Variants in PAX5 observed in about 807,000 individuals in gnomAD.
PAX5 encodes the protein paired box 5.
PAX5 carries 9 observed loss-of-function variants against 43.7 expected under a neutral mutation model. That is an observed-to-expected ratio of 0.21 (90% CI 0.12 to 0.36). PAX5 has a LOEUF of 0.36. Among genes scored for constraint, PAX5 ranks in the 10% least tolerant of loss-of-function variants. The probability of loss-of-function intolerance (pLI) is 1.00; values close to 1 mark genes in which losing one functional copy is unlikely to be tolerated. For synonymous variants in PAX5, 228 were observed against 214.3 expected (o/e 1.06, Z -0.56); for missense variants, 383 against 532.7 (o/e 0.72, Z 2.77).
intron 5 of PAX5, among the ~76,000 whole-genome samples, chr9:36,982,666 T>C (rs887722121): frequency 1.3e-5 from 2 of 152,172 alleles, no homozygotes; most frequent in Non-Finnish European, 2.9e-5. Flanking sequence ...CAGACAAGGA[T>C]AAGATGTGGG....
intron 7 of PAX5, among the ~76,000 whole-genome samples, chr9:36,904,109 T>C (rs903908860): frequency 1.3e-5 from 2 of 152,234 alleles, no homozygotes; most frequent in African/African-American, 4.8e-5. Context: ...AGGGTTGTTA[T>C]GCAGATTAGA....
intron 7 of PAX5, among the ~76,000 whole-genome samples, chr9:36,885,749 G>T (rs3824339): frequency 2.6e-5 from 4 of 152,044 alleles, no homozygotes; most frequent in Admixed American, 2.0e-4. Flanking sequence ...TGTGAGAAGC[G>T]CATGGCACAG....
chr9:36,910,447 T>A (rs1043804747), intron 7 of PAX5, among the ~76,000 whole-genome samples: 2 of 152,212 alleles, frequency 1.3e-5, no homozygotes, highest in Non-Finnish European at 2.9e-5. Context: ...TATAACAAGG[T>A]CTCCACGGAT....
Position 36,834,315 on chromosome 9 carries a change from C to T in PAX5, c.*6245G>A. 1 of 233,334 alleles carries T rather than the reference C, an allele frequency of 4.3e-6. No individual in the cohort carries two copies. The highest frequency in any genetic ancestry group is 8.5e-6 in the Non-Finnish European group (1 of 118,102). The allele number at this position is 233,334 out of a possible 1,614,324, so 14.5% of individuals were successfully genotyped here. ...GACAGGCTGCTGCCGGGTCTGCTCACCTTCTCTGACCCAAGTCGAAGACAG... is the reference window on the plus strand; with the variant it reads ...GACAGGCTGCTGCCGGGTCTGCTCATCTTCTCTGACCCAAGTCGAAGACAG... On this transcript the variant is annotated 3_prime_UTR_variant, in exon 10 of 10. Coordinates refer to ENST00000358127, the MANE Select transcript of PAX5 (RefSeq NM_016734.3).
intron 5 of PAX5, among the ~76,000 whole-genome samples, chr9:36,973,388 G>T (rs1835142131): frequency 6.6e-6 from 1 of 152,150 alleles, no homozygotes; most frequent in East Asian, 1.9e-4. Context: ...ATCTGCCACA[G>T]GAGTACAGAG....
At chr9:37,022,489 C>T (rs1433334909) in intron 1 of PAX5, among the ~76,000 whole-genome samples, 2 of 152,166 alleles carry the variant, frequency 1.3e-5, no homozygotes, top group Non-Finnish European at 2.9e-5. Flanking sequence ...TTGGTATAAG[C>T]TCATCTGGGA....
At chr9:36,968,369 C>T (rs1349858012) in intron 5 of PAX5, among the ~76,000 whole-genome samples, 1 of 152,138 alleles carries the variant, frequency 6.6e-6, no homozygotes, top group Non-Finnish European at 1.5e-5. Context: ...GTCAATGCTT[C>T]CTCAACTGTA....
intron 5 of PAX5, among the ~76,000 whole-genome samples, chr9:36,969,253 C>T (rs1054347534): frequency 2.0e-5 from 3 of 152,234 alleles, no homozygotes; most frequent in East Asian, 1.9e-4. Flanking sequence ...CCAGCTCCTC[C>T]GGCCCACCCA....
chr9:36,868,353 G>T (rs1825100283), intron 8 of PAX5, among the ~76,000 whole-genome samples: 2 of 152,228 alleles, frequency 1.3e-5, no homozygotes, highest in African/African-American at 4.8e-5. Flanking sequence ...GCCAGGATCT[G>T]AGAGGAATTC....
intron 5 of PAX5, among the ~76,000 whole-genome samples, chr9:36,976,858 G>A (rs914309191): frequency 3.9e-5 from 6 of 152,184 alleles, no homozygotes; most frequent in African/African-American, 1.4e-4. Flanking sequence ...CAAACGGGAG[G>A]CCAGATGGCA....
At chr9:36,911,670 A>T (rs1217143848) in intron 7 of PAX5, among the ~76,000 whole-genome samples, 6 of 152,182 alleles carry the variant, frequency 3.9e-5, no homozygotes, top group African/African-American at 1.2e-4. Context: ...GAGGTATTTC[A>T]CTGCATCTCA....
chr9:37,003,942 G>A (rs1838164274), intron 4 of PAX5, among the ~76,000 whole-genome samples: 1 of 152,238 alleles, frequency 6.6e-6, no homozygotes, highest in Non-Finnish European at 1.5e-5. Context: ...ACAATGAAGA[G>A]CAATAATATA....
At chr9:36,888,692 G>T (rs1045710319) in intron 7 of PAX5, among the ~76,000 whole-genome samples, 1 of 152,200 alleles carries the variant, frequency 6.6e-6, no homozygotes, top group Non-Finnish European at 1.5e-5. Context: ...AGGGCAGGCT[G>T]GGCAGAGGCA....
chr9:37,002,225 C>T (rs916650209), intron 5 of PAX5, among the ~76,000 whole-genome samples: 1 of 152,198 alleles, frequency 6.6e-6, no homozygotes, highest in Non-Finnish European at 1.5e-5. Flanking sequence ...GCCCTCCGCA[C>T]GTGTGCCCCT....
chr9:36,979,076 A>G (rs1835694383), intron 5 of PAX5, among the ~76,000 whole-genome samples: 1 of 152,202 alleles, frequency 6.6e-6, no homozygotes, highest in Non-Finnish European at 1.5e-5. Context: ...CAATTGATCA[A>G]TCATGTTTCG....
intron 1 of PAX5, among the ~76,000 whole-genome samples, chr9:37,025,408 C>T: frequency 6.6e-6 from 1 of 152,090 alleles, no homozygotes; most frequent in South Asian, 2.1e-4. Flanking sequence ...AAGCTGGATC[C>T]CAGGCTGTTG....
intron 8 of PAX5, among the ~76,000 whole-genome samples, chr9:36,871,470 G>A (rs752034137): frequency 3.3e-5 from 5 of 152,208 alleles, no homozygotes; most frequent in South Asian, 2.1e-4. Flanking sequence ...AGCCCTCCAG[G>A]CCCACCTTGA....
chr9:36,904,287 G>T (rs769386008), intron 7 of PAX5, among the ~76,000 whole-genome samples: 3 of 152,054 alleles, frequency 2.0e-5, no homozygotes, highest in Non-Finnish European at 4.4e-5. Flanking sequence ...GAGCTCCCTA[G>T]TCCCCTATCC....
At chr9:36,849,114 A>G (rs1822897231) in intron 8 of PAX5, among the ~76,000 whole-genome samples, 1 of 152,166 alleles carries the variant, frequency 6.6e-6, no homozygotes, top group African/African-American at 2.4e-5. Flanking sequence ...CTGCAGGGGA[A>G]TCCGTTGTAC....
Sources: gnomAD v4.1 joint callset for allele counts (sites outside exome capture counted in the v4.1 genomes callset) on GRCh38, gnomAD v4.1.1 for gene constraint, MANE v1.5 for transcripts, NCBI Gene and HGNC (gene_info 2026-07-23, HGNC 2026-07-21) for gene names.